Variants in ORC3 observed in about 807,000 individuals in gnomAD.
ORC3 encodes homolog of latheo, Drosophila.
Under a neutral mutation model 100.7 loss-of-function variants are expected in ORC3, and 78 were observed. The ratio of observed to expected loss-of-function variants is 0.77; its 90% CI spans 0.65 to 0.94. ORC3 has a LOEUF of 0.94. Among genes scored for constraint, ORC3 ranks in the 40% least tolerant of loss-of-function variants. The probability of loss-of-function intolerance (pLI) is 0.00; values close to 1 mark genes in which losing one functional copy is unlikely to be tolerated. For synonymous variants in ORC3, 295 were observed against 289.3 expected (o/e 1.02, Z -0.20); for missense variants, 789 against 823.9 (o/e 0.96, Z 0.52).
intron 13 of ORC3, among the ~76,000 whole-genome samples, chr6:87,642,389 G>A (rs565822928): frequency 3.9e-5 from 6 of 152,164 alleles, no homozygotes; most frequent in East Asian, 3.9e-4. Context: ...TCAGGAGTTC[G>A]AGACCAGCCT....
the ORC3 span, among the ~76,000 whole-genome samples, chr6:87,676,596 A>AACACACGCACGCGCGCGCACACAC: frequency 1.1e-3 from 152 of 142,146 alleles, 1 homozygote; most frequent in African/African-American, 3.9e-3. Flanking sequence ...CTCTACTAAA[A>AACACACGCACGCGCGCGCACACAC]ACACACACAC....
chr6:87,622,060 AAAG>A (rs1319744606), intron 11 of ORC3, 47 bp downstream of exon 11: 2 of 1,233,456 alleles, frequency 1.6e-6, no homozygotes, highest in East Asian at 2.3e-5. Context: ...TTCCTTTCAT[AAAG>A]AAGAATATGC....
the ORC3 span, among the ~76,000 whole-genome samples, chr6:87,674,095 G>C: frequency 4.6e-5 from 7 of 151,996 alleles, no homozygotes; most frequent in African/African-American, 1.7e-4. Flanking sequence ...GAGGTCAGGA[G>C]TTCGAGACCA....
intron 2 of ORC3, among the ~76,000 whole-genome samples, chr6:87,597,985 A>T (rs1777590225): frequency 2.0e-5 from 3 of 152,222 alleles, no homozygotes; most frequent in African/African-American, 7.2e-5. Flanking sequence ...CAATGTAATT[A>T]TAACTAATAC....
Position 87,657,943 on chromosome 6 carries a change from TAAG to T in ORC3, c.1623_1625del (p.Arg541del), listed in dbSNP as rs1329190382. Reference sequence around the variant, plus strand: ...TAGTCCTTATTGGAAATGAAGGAGTTAAGAAGAAGTAAGAAGCAAACCAAATTT... The same window carrying T: ...TAGTCCTTATTGGAAATGAAGGAGTTAAGAAGTAAGAAGCAAACCAAATTT... On this transcript the variant is annotated inframe_deletion, in exon 16 of 20. Coordinates refer to ENST00000392844, the MANE Select transcript of ORC3 (RefSeq NM_012381.4). The T allele has an allele frequency of 9.5e-6, 15 of 1,578,120 alleles. No individual in the cohort carries two copies. Among genetic ancestry groups the T allele is most frequent in the East Asian group, 6.7e-5 (3 of 44,682 alleles).
chr6:87,666,801 T>C (rs934779023), intron 19 of ORC3, among the ~76,000 whole-genome samples: 2 of 152,176 alleles, frequency 1.3e-5, no homozygotes, highest in African/African-American at 4.8e-5. Context: ...CCATACTATG[T>C]AGAACATTAG....
chr6:87,664,682 T>C, intron 17 of ORC3, 61 bp from the exon 18 acceptor site: 3 of 1,362,920 alleles, frequency 2.2e-6, no homozygotes, highest in Non-Finnish European at 3.1e-6. Context: ...TTCATTAATG[T>C]CTGATTTTAT....
chr6:87,641,230 C>T (rs1384588596), intron 13 of ORC3, among the ~76,000 whole-genome samples: 1 of 152,118 alleles, frequency 6.6e-6, no homozygotes, highest in Non-Finnish European at 1.5e-5. Flanking sequence ...GAAAAGTGTG[C>T]CCCACTTCTT....
intron 7 of ORC3, 67 bp from the exon 8 acceptor site, chr6:87,612,022 G>T: frequency 7.0e-7 from 1 of 1,419,268 alleles, no homozygotes; most frequent in Non-Finnish European, 9.7e-7. Flanking sequence ...GTCTTATGTT[G>T]AAATATGATG....
At position 87,607,735 on chromosome 6, in the gene ORC3, T is replaced by C. The variant is rs1778446553; in HGVS notation, c.490T>C (p.Ser164Pro). The C allele has an allele frequency of 2.5e-6, 4 of 1,611,994 alleles. No individual in the cohort carries two copies. Among genetic ancestry groups the C allele is most frequent in the Non-Finnish European group, 2.5e-6 (3 of 1,178,684 alleles). ...GATGGACTGCTGTGTAGATATAAAA[T>C]CCAAAGAGGAGGAAAGTGTTCACGT... ...QLMDCCVDIK[S>P]KEEESVHVTQ... The change falls in exon 6 of 20, where the codon TCC becomes CCC. Residue 164 changes from serine to proline, a missense_variant. Physicochemically the swap from Ser to Pro is moderately conservative, Grantham distance 74. Around this residue, in one of 3 missense-constraint regions of ORC3, gnomAD observed 399 missense variants for 382.0 expected, o/e 1.04. Coordinates refer to ENST00000392844, the MANE Select transcript of ORC3 (RefSeq NM_012381.4).
At chr6:87,663,917 C>T (rs1770398545) in intron 17 of ORC3, among the ~76,000 whole-genome samples, 1 of 152,110 alleles carries the variant, frequency 6.6e-6, no homozygotes, top group African/African-American at 2.4e-5. Context: ...AGTGTACTGG[C>T]TTCTCATTGC....
the ORC3 span, among the ~76,000 whole-genome samples, chr6:87,676,501 A>G: frequency 1.3e-5 from 2 of 149,250 alleles, no homozygotes; most frequent in Non-Finnish European, 3.0e-5. Flanking sequence ...TCACAGCTGT[A>G]ATCCCAGCAC....
At position 87,616,439 on chromosome 6, in the gene ORC3, G is replaced by C; in HGVS notation, c.987+12G>C. On this transcript the variant is annotated intron_variant, in intron 9 of 19. Coordinates refer to ENST00000392844, the MANE Select transcript of ORC3 (RefSeq NM_012381.4). Reference sequence around the variant, plus strand: ...TAAAAGGACTTCAGGTAAGAACACAGTAATGGGTTTGAAAATTCTCAAGCT... The same window carrying C: ...TAAAAGGACTTCAGGTAAGAACACACTAATGGGTTTGAAAATTCTCAAGCT... The C allele has an allele frequency of 9.6e-7, 1 of 1,045,202 alleles. No individual in the cohort carries two copies. Among genetic ancestry groups the C allele is most frequent in the Admixed American group, 1.8e-5 (1 of 55,166 alleles). 64.7% of individuals were successfully genotyped at this position (1,045,202 alleles called of 1,614,324 possible).
At chr6:87,643,091 CTT>C (rs1768403356) in intron 13 of ORC3, among the ~76,000 whole-genome samples, 1 of 152,090 alleles carries the variant, frequency 6.6e-6, no homozygotes, top group Non-Finnish European at 1.5e-5. Context: ...TTAAAGCTCT[CTT>C]TGAAACAAAA....
the ORC3 span, among the ~76,000 whole-genome samples, chr6:87,673,592 C>T: frequency 6.6e-6 from 1 of 151,554 alleles, no homozygotes; most frequent in Non-Finnish European, 1.5e-5. Context: ...CCTGTAATCA[C>T]AGCACTTTGG....
intron 11 of ORC3, among the ~76,000 whole-genome samples, chr6:87,627,000 T>C (rs1405987574): frequency 6.6e-6 from 1 of 151,940 alleles, no homozygotes; most frequent in African/African-American, 2.4e-5. Context: ...ATTTTTATTT[T>C]ATTTTATTTT....
chr6:87,654,236 A>G (rs1235908030), intron 14 of ORC3, among the ~76,000 whole-genome samples: 1 of 152,220 alleles, frequency 6.6e-6, no homozygotes, highest in Non-Finnish European at 1.5e-5. Flanking sequence ...AAATCTTCCC[A>G]TATCTCTCCA....
chr6:87,657,892 C>T, intron 15 of ORC3, 29 bp from the exon 16 acceptor site: 1 of 1,248,086 alleles, frequency 8.0e-7, no homozygotes, highest in Non-Finnish European at 1.2e-6. Context: ...CTGAGGATCA[C>T]CAGAAAAGCT....
At chr6:87,623,686 C>G (rs1238927665) in intron 11 of ORC3, among the ~76,000 whole-genome samples, 1 of 152,114 alleles carries the variant, frequency 6.6e-6, no homozygotes, top group Non-Finnish European at 1.5e-5. Flanking sequence ...GAGTTCAAGA[C>G]CAGTCTGGCC....
Sources: allele counts gnomAD v4.1 joint callset (sites outside exome capture counted in the v4.1 genomes callset), GRCh38; gene constraint gnomAD v4.1.1; regional missense constraint gnomAD v4.1.1; transcripts MANE v1.5; gene names NCBI Gene and HGNC (gene_info 2026-07-23, HGNC 2026-07-21).